GARIN5B: variants seen among roughly 807,000 people sequenced by gnomAD.
GARIN5B encodes Golgi-associated RAB2 interactor protein 5B.
chr19:55,358,808 T>C, the GARIN5B span: 1 of 1,548,256 alleles, frequency 6.5e-7, no homozygotes, highest in East Asian at 2.4e-5. Flanking sequence ...GGGCCTGCTG[T>C]GCTCCTGGGA....
At chr19:55,363,099 A>C in the GARIN5B span, 116 of 1,449,154 alleles carry the variant, frequency 8.0e-5, 1 homozygote, top group African/African-American at 1.4e-3. The surrounding 1 kb of genome is among the most constrained non-coding windows in gnomAD (Gnocchi z 4.0). Flanking sequence ...TGGTTTAGGG[A>C]CCCAGAACCC....
chr19:55,361,710 T>TCCAGGG, the GARIN5B span, among the ~76,000 whole-genome samples: 18 of 40,274 alleles, frequency 4.5e-4, no homozygotes, highest in African/African-American at 1.1e-3. Context: ...GACCCAGGAG[T>TCCAGGG]CCCCAGCCCC....
At chr19:55,358,801 C>A in the GARIN5B span, 1 of 1,548,902 alleles carries the variant, frequency 6.5e-7, no homozygotes, top group Non-Finnish European at 8.7e-7. Context: ...CAGAGAAGGG[C>A]CTGCTGTGCT....
At chr19:55,357,422 G>A in the GARIN5B span, among the ~76,000 whole-genome samples, 1 of 152,114 alleles carries the variant, frequency 6.6e-6, no homozygotes, top group Non-Finnish European at 1.5e-5. Flanking sequence ...TTCCCACCCC[G>A]GGATCCCCGT....
the GARIN5B span, chr19:55,360,798 G>A: frequency 6.4e-7 from 1 of 1,551,476 alleles, no homozygotes; most frequent in Non-Finnish European, 8.7e-7. Context: ...TGAGCCCTTT[G>A]GGGCAGGAAC....
chr19:55,359,025 C>T, the GARIN5B span: 172 of 1,551,454 alleles, frequency 1.1e-4, no homozygotes, highest in Admixed American at 1.4e-4. Flanking sequence ...TTCTTGGTCA[C>T]GGTGAAGGGC....
chr19:55,358,401 G>T, the GARIN5B span: 70 of 1,505,704 alleles, frequency 4.6e-5, no homozygotes, highest in Non-Finnish European at 6.1e-5. Context: ...TCCTCCCACG[G>T]TGAGGCGGTC....
the GARIN5B span, among the ~76,000 whole-genome samples, chr19:55,357,208 G>A: frequency 6.6e-6 from 1 of 152,108 alleles, no homozygotes. Flanking sequence ...GGTCTTTGTG[G>A]CCTTTTCTGT....
chr19:55,358,150 C>A, the GARIN5B span: 4 of 1,479,876 alleles, frequency 2.7e-6, no homozygotes, highest in African/African-American at 1.4e-5. Flanking sequence ...GCTACCTGGG[C>A]AGAAGGTTCA....
At chr19:55,362,488 G>A in the GARIN5B span, 57 of 1,545,316 alleles carry the variant, frequency 3.7e-5, no homozygotes, top group Admixed American at 3.9e-5. Flanking sequence ...GGTGGACGAG[G>A]TCCAGGGGGA....
At chr19:55,359,431 G>A in the GARIN5B span, 1 of 1,549,598 alleles carries the variant, frequency 6.5e-7, no homozygotes, top group South Asian at 1.2e-5. Context: ...AGGCCTTCCG[G>A]GATGGAGCAG....
the GARIN5B span, chr19:55,359,965 T>G: frequency 3.2e-6 from 5 of 1,547,850 alleles, no homozygotes; most frequent in South Asian, 6.0e-5. Context: ...CTTCATCAGA[T>G]GCAGATGTGC....
chr19:55,359,119 T>A, the GARIN5B span: 4 of 1,551,272 alleles, frequency 2.6e-6, no homozygotes, highest in Non-Finnish European at 3.5e-6. Flanking sequence ...CCGGTTTCCC[T>A]CCAGACTGGC....
chr19:55,362,615 C>A, the GARIN5B span: 1 of 1,546,792 alleles, frequency 6.5e-7, no homozygotes, highest in Non-Finnish European at 8.7e-7. Flanking sequence ...CTGTCCTCGG[C>A]GGGCTGGCCG....
At chr19:55,360,848 C>T in the GARIN5B span, 5 of 1,548,850 alleles carry the variant, frequency 3.2e-6, no homozygotes, top group East Asian at 2.4e-5. Flanking sequence ...GTGGGTTGAT[C>T]TTACCAGGCA....
At chr19:55,360,990 C>T in the GARIN5B span, 1 of 1,550,744 alleles carries the variant, frequency 6.4e-7, no homozygotes, top group South Asian at 1.2e-5. Flanking sequence ...CAACAAGACC[C>T]CACGCCCACT....
the GARIN5B span, chr19:55,358,472 C>A: frequency 6.5e-7 from 1 of 1,533,582 alleles, no homozygotes; most frequent in Non-Finnish European, 8.8e-7. Context: ...GGGCTTGGAG[C>A]GAAAGGGCAC....
At chr19:55,362,194 G>A in the GARIN5B span, 91 of 1,464,062 alleles carry the variant, frequency 6.2e-5, no homozygotes, top group Middle Eastern at 4.7e-4. Flanking sequence ...GGATCTGGCC[G>A]GAGGGTTCCT....
chr19:55,362,178 C>T, the GARIN5B span: 1 of 1,443,118 alleles, frequency 6.9e-7, no homozygotes, highest in South Asian at 1.5e-5. Context: ...GGTCGCAGTC[C>T]CCTCTGGATC....
Sources: allele counts gnomAD v4.1 joint callset (sites outside exome capture counted in the v4.1 genomes callset), GRCh38; gene constraint gnomAD v4.1.1; non-coding constraint Gnocchi (gnomAD v3.1); transcripts MANE v1.5; gene names NCBI Gene and HGNC (gene_info 2026-07-23, HGNC 2026-07-21).